The following FCN2 variants were observed in gnomAD, a reference collection of about 807,000 sequenced individuals.
FCN2 encodes ficolin 2, also known as ficolin-2.
Under a neutral mutation model 32.5 loss-of-function variants are expected in FCN2, and 31 were observed. The ratio of observed to expected loss-of-function variants is 0.96; its 90% CI spans 0.72 to 1.29. The LOEUF (loss-of-function observed/expected upper bound fraction) is 1.29, where lower values mean the gene tolerates loss of function less well. Among genes scored for constraint, FCN2 ranks in the 50% most tolerant of loss-of-function variants. The probability of loss-of-function intolerance (pLI) is 0.00; values close to 1 mark genes in which losing one functional copy is unlikely to be tolerated. For missense variants in FCN2, 412 were observed against 406.5 expected (o/e 1.01, Z -0.12); for synonymous variants, 181 against 164.5 (o/e 1.10, Z -0.77).
At chr9:134,869,714 G>T in the FCN2 span, among the ~76,000 whole-genome samples, 1 of 152,254 alleles carries the variant, frequency 6.6e-6, no homozygotes, top group African/African-American at 2.4e-5. Context: ...CCTGTGACCT[G>T]CAGGGACCCA....
upstream of FCN2, among the ~76,000 whole-genome samples, chr9:134,879,696 A>G (rs545000658): frequency 6.6e-6 from 1 of 152,330 alleles, no homozygotes; most frequent in African/African-American, 2.4e-5. Context: ...TCATAGTCTC[A>G]GGACCACACA....
chr9:134,887,117 T>C (rs1034468582), intron 7 of FCN2, 51 bp from the exon 8 acceptor site: 5 of 1,610,048 alleles, frequency 3.1e-6, no homozygotes, highest in Non-Finnish European at 4.2e-6. Flanking sequence ...ACTTATACTG[T>C]CTGTAATGAT....
At chr9:134,878,999 A>G (rs970827858), upstream of FCN2, among the ~76,000 whole-genome samples, 1 of 152,212 alleles carries the variant, frequency 6.6e-6, no homozygotes, top group Non-Finnish European at 1.5e-5. Flanking sequence ...ACCTTCAAAC[A>G]TTGTTACTGC....
At chr9:134,873,183 C>T in the FCN2 span, among the ~76,000 whole-genome samples, 1 of 151,926 alleles carries the variant, frequency 6.6e-6, no homozygotes, top group Non-Finnish European at 1.5e-5. Flanking sequence ...GAGTACCACC[C>T]CTTTATCAAA....
At position 134,885,287 on chromosome 9, in the gene FCN2, G is replaced by T. The variant is rs746640311; in HGVS notation, c.350G>T (p.Gly117Val). The stretch of plus-strand genomic sequence containing the variant: ...CTAGACCGAGGGCACTTCCTGAGCG[G>T]CTGGCACACCATCTACCTGCCCGAC... Reference protein sequence around the residue: ...DLLDRGHFLSGWHTIYLPDCR... With the variant: ...DLLDRGHFLSVWHTIYLPDCR... Residue 117 changes from glycine to valine, a missense_variant, in exon 5 of 8, where the codon GGC (glycine) becomes GTC (valine). Coordinates refer to ENST00000291744, the MANE Select transcript of FCN2 (RefSeq NM_004108.3). 28 of 1,614,046 alleles carry T rather than the reference G, an allele frequency of 1.7e-5. No individual in the cohort carries two copies. The highest frequency in any genetic ancestry group is 2.4e-5 in the Non-Finnish European group (28 of 1,180,032).
Position 134,887,466 on chromosome 9 carries a change from G to GT in FCN2, c.*52dup. ...GCCTCCACACATAGTTGGTTGGGGG[G>GT]TAGGGTTGGGAGCTTGGCCCTACGG... On this transcript the variant is annotated 3_prime_UTR_variant, in exon 8 of 8. Transcript: ENST00000291744. 1 of 1,580,022 alleles carries GT rather than the reference G, an allele frequency of 6.3e-7. No individual in the cohort carries two copies. Among genetic ancestry groups the GT allele is most frequent in the South Asian group, 1.1e-5 (1 of 90,078 alleles).
chr9:134,882,428 C>G (rs1038621702), intron 1 of FCN2, 98 bp from the exon 2 acceptor site: 1 of 1,009,366 alleles, frequency 9.9e-7, no homozygotes, highest in Admixed American at 1.7e-5. Context: ...CTGATGTCAC[C>G]AAGATGGCAG....
the FCN2 span, among the ~76,000 whole-genome samples, chr9:134,871,746 T>C: frequency 1.3e-5 from 2 of 152,186 alleles, no homozygotes; most frequent in Admixed American, 6.5e-5. Flanking sequence ...GGAAAGCTTA[T>C]GCTCTGGGTC....
At chr9:134,885,090 G>T in intron 4 of FCN2, 149 bp from the exon 5 acceptor site, 2 of 1,177,154 alleles carry the variant, frequency 1.7e-6, no homozygotes, top group South Asian at 2.7e-5. Flanking sequence ...GCGTGGCCCT[G>T]GGGGCCGTGT....
chr9:134,879,095 G>A (rs1328580855), upstream of FCN2, among the ~76,000 whole-genome samples: 1 of 152,172 alleles, frequency 6.6e-6, no homozygotes, highest in Non-Finnish European at 1.5e-5. Context: ...TGCTAGAAAT[G>A]TAATCATTTA....
rs767415743 is a variant in FCN2, at chr9:134,887,364, A to T, written c.891A>T (p.Lys297Asn). 1.2e-6 allele frequency: 2 copies of T among 1,614,044 alleles called. No homozygotes were observed. Among genetic ancestry groups the T allele is most frequent in the African/African-American group, 2.7e-5 (2 of 74,928 alleles). The part of the protein sequence containing the change: ...FANGINWKSG[K>N]GYNYSYKVSE... ...ATGGCATCAACTGGAAGTCGGGGAAAGGATACAATTATAGCTACAAGGTGT... is the reference window on the plus strand; with the variant it reads ...ATGGCATCAACTGGAAGTCGGGGAATGGATACAATTATAGCTACAAGGTGT... The change falls in exon 8 of 8, where the codon AAA (lysine) becomes AAT (asparagine). Residue 297 changes from lysine (K) to asparagine (N), a missense_variant. Physicochemically the swap from Lys to Asn is moderately conservative, Grantham distance 94. Coordinates refer to ENST00000291744, the MANE Select transcript of FCN2 (RefSeq NM_004108.3).
chr9:134,878,229 G>A (rs1015020590), upstream of FCN2, among the ~76,000 whole-genome samples: 3 of 152,118 alleles, frequency 2.0e-5, no homozygotes, highest in Non-Finnish European at 4.4e-5. Context: ...TATCCTATTA[G>A]TTCTGTCCCT....
At chr9:134,870,105 A>C in the FCN2 span, among the ~76,000 whole-genome samples, 1 of 152,326 alleles carries the variant, frequency 6.6e-6, no homozygotes, top group East Asian at 1.9e-4. This position sits in a 1 kb window ranked among gnomAD's most constrained non-coding sequence, Gnocchi z 4.3. Context: ...CCCAAGGGGC[A>C]GCCTGGCCTG....
upstream of FCN2, among the ~76,000 whole-genome samples, chr9:134,879,368 T>G (rs986031378): frequency 6.6e-6 from 1 of 152,242 alleles, no homozygotes; most frequent in Admixed American, 6.5e-5. Flanking sequence ...GACTTAATTT[T>G]AAGTCATCTA....
rs774862816 is a variant in FCN2 at position 134,880,912 on chromosome 9, A to C, written c.91A>C (p.Thr31Pro). 1.9e-6 allele frequency: 3 copies of C among 1,612,424 alleles called. No individual in the cohort carries two copies. Among genetic ancestry groups the C allele is most frequent in the Non-Finnish European group, 8.5e-7 (1 of 1,179,470 alleles). The change falls in exon 1 of 8, where the codon ACC becomes CCC. Residue 31 changes from threonine to proline, a missense_variant. By Grantham distance (38) the Thr-to-Pro change is conservative. Coordinates refer to ENST00000291744, the MANE Select transcript of FCN2 (RefSeq NM_004108.3). ...GMAWALQAAD[T>P]CPEVKMVGLE... is the part of the protein sequence containing the mutation. ...GGCCTGGGCTCTCCAGGCGGCAGAC[A>C]CCTGTCCAGGTAAGGGCACTCCAGG...
chr9:134,875,669 CA>C, the FCN2 span, among the ~76,000 whole-genome samples: 1 of 152,156 alleles, frequency 6.6e-6, no homozygotes, highest in Non-Finnish European at 1.5e-5. Flanking sequence ...ATCTTCCAAC[CA>C]AAAACCAGCA....
the FCN2 span, chr9:134,868,465 G>GGCCC: frequency 1.1e-5 from 2 of 181,070 alleles, no homozygotes; most frequent in East Asian, 2.8e-4. This position sits in a 1 kb window ranked among gnomAD's most constrained non-coding sequence, Gnocchi z 4.3. Context: ...ATGAAGGTGC[G>GGCCC]GCCCACCTAG....
the FCN2 span, among the ~76,000 whole-genome samples, chr9:134,874,246 A>T: frequency 6.6e-6 from 1 of 152,128 alleles, no homozygotes; most frequent in Non-Finnish European, 1.5e-5. Flanking sequence ...TTTTGATACA[A>T]TCCGTTAATC....
chr9:134,873,875 G>T, the FCN2 span, among the ~76,000 whole-genome samples: 12 of 45,900 alleles, frequency 2.6e-4, no homozygotes, highest in Middle Eastern at 9.1e-3. Context: ...CTTTTTTTTT[G>T]TTTGTTTGTT....
Sources: allele counts gnomAD v4.1 joint callset (sites outside exome capture counted in the v4.1 genomes callset), GRCh38; gene constraint gnomAD v4.1.1; non-coding constraint Gnocchi (gnomAD v3.1); transcripts MANE v1.5; gene names NCBI Gene and HGNC (gene_info 2026-07-23, HGNC 2026-07-21).